The following TCEANC2 variants were observed in gnomAD, a reference collection of about 807,000 sequenced individuals.
TCEANC2 encodes transcription elongation factor A N-terminal and central domain-containing protein 2.
Under a neutral mutation model 22.8 loss-of-function variants are expected in TCEANC2, and 20 were observed. That is an observed-to-expected ratio of 0.88 (90% CI 0.62 to 1.28). The LOEUF is 1.28. Among genes scored for constraint, TCEANC2 ranks in the 50% most tolerant of loss-of-function variants. The pLI is 0.00. For synonymous variants in TCEANC2, 84 were observed against 95.5 expected (o/e 0.88, Z 0.70); for missense variants, 251 against 249.7 (o/e 1.01, Z -0.03).
In TCEANC2 at chr1:54,068,820, A is replaced by G. The variant is rs767886928; in HGVS notation, c.167A>G (p.Lys56Arg). 8.1e-6 allele frequency: 13 copies of G among 1,612,656 alleles called. No homozygotes were observed. The highest frequency in any genetic ancestry group is 1.1e-5 in the Non-Finnish European group (13 of 1,179,504). ...KTMLELPDQT[K>R]ENLVEALQEL... ...ATGCTGGAGCTTCCTGATCAAACCAAAGAGAATCTTGTTGAAGCCTTACAA... is the reference window on the plus strand; with the variant it reads ...ATGCTGGAGCTTCCTGATCAAACCAGAGAGAATCTTGTTGAAGCCTTACAA... The change falls in exon 3 of 5, where the codon AAA becomes AGA. Residue 56 changes from lysine (K) to arginine (R), a missense_variant. Coordinates refer to ENST00000234827, the MANE Select transcript of TCEANC2 (RefSeq NM_153035.3).
chr1:54,091,511 TTG>T (rs1658446435), intron 4 of TCEANC2, among the ~76,000 whole-genome samples: 1 of 152,174 alleles, frequency 6.6e-6, no homozygotes, highest in Admixed American at 6.5e-5. Flanking sequence ...CATTACATTT[TTG>T]TAGAAAAAAA....
Position 54,096,501 on chromosome 1 carries a change from G to A in TCEANC2, c.*28G>A. The A allele has an allele frequency of 6.4e-7, 1 of 1,574,102 alleles. No homozygotes were observed. The highest frequency in any genetic ancestry group is 8.7e-7 in the Non-Finnish European group (1 of 1,150,320). ...TGAGGACGGTTCCAGCCCTGGGCCA[G>A]GCAGAGAGGAAAATGGGCCTGTCTC... On this transcript the variant is annotated 3_prime_UTR_variant, in exon 5 of 5. Coordinates refer to ENST00000234827, the MANE Select transcript of TCEANC2 (RefSeq NM_153035.3). The surrounding 1 kb of genome is among the most constrained non-coding windows in gnomAD (Gnocchi z 4.9).
At chr1:54,074,193 G>A (rs1658105647) in intron 3 of TCEANC2, among the ~76,000 whole-genome samples, 1 of 152,190 alleles carries the variant, frequency 6.6e-6, no homozygotes, top group Admixed American at 6.5e-5. Flanking sequence ...GCCGGGCGCA[G>A]TGGCTCAGGC....
rs1024670826 is a variant in TCEANC2 at position 54,088,520 on chromosome 1, C to T, written c.245-77C>T. ...TGTGAATGACTTTCTCAGTGCCACA[C>T]GTCAGTCCATCTAGTCCTGCGCTTC... On this transcript the variant is annotated intron_variant, in intron 3 of 4. Transcript: ENST00000234827. The T allele has an allele frequency of 5.2e-5, 64 of 1,219,738 alleles. No individual in the cohort carries two copies. In the Admixed American group the frequency reaches 1.1e-3, roughly 20 times the overall value. The allele number at this position is 1,219,738 out of a possible 1,614,324, so 75.6% of individuals were successfully genotyped here. A position where few individuals can be genotyped will look rare whatever the true frequency, so the allele number is the denominator to read the frequency against.
In TCEANC2 at chr1:54,104,354, G is replaced by A. The variant is rs949180003; in HGVS notation, c.*7881G>A. The A allele has an allele frequency of 1.7e-5, 4 of 231,270 alleles. No homozygotes were observed. Among genetic ancestry groups the A allele is most frequent in the African/African-American group, 9.1e-5 (4 of 44,116 alleles). The allele number at this position is 231,270 out of a possible 1,614,324, so 14.3% of individuals were successfully genotyped here. A position where few individuals can be genotyped will look rare whatever the true frequency, so the allele number is the denominator to read the frequency against. ...TTACTATGAACTATTAGCTGTGACTGCACCCGGGCACTTGAGCTCCTCATA... is the reference window on the plus strand; with the variant it reads ...TTACTATGAACTATTAGCTGTGACTACACCCGGGCACTTGAGCTCCTCATA... On this transcript the variant is annotated 3_prime_UTR_variant, in exon 5 of 5. Coordinates refer to ENST00000234827, the MANE Select transcript of TCEANC2 (RefSeq NM_153035.3).
chr1:54,062,857 A>C lies in TCEANC2; in HGVS notation c.103-5899A>C, dbSNP rs1055712876. 2.0e-5 allele frequency among the ~76,000 whole-genome samples: 3 copies of C among 152,234 alleles called. No individual in the cohort carries two copies. The East Asian group carries it at 5.8e-4, about 29-fold the overall frequency. On this transcript the variant is annotated intron_variant, in intron 2 of 4. Transcript: ENST00000234827. ...GAGACTGAAAAGAATGTCAGGAGCC[A>C]AGTCATGGAAGGCCTTTTATGCCAT...
intron 2 of TCEANC2, among the ~76,000 whole-genome samples, chr1:54,066,006 GA>G (rs1249148324): frequency 6.6e-6 from 1 of 151,430 alleles, no homozygotes; most frequent in Non-Finnish European, 1.5e-5. Context: ...GGTTGGGGGA[GA>G]GGGGGGCGGA....
intron 2 of TCEANC2, among the ~76,000 whole-genome samples, chr1:54,055,884 A>G (rs1231874921): frequency 6.6e-6 from 1 of 152,182 alleles, no homozygotes; most frequent in African/African-American, 2.4e-5. Flanking sequence ...ATTGAACTAT[A>G]TCAGTGTTTC....
chr1:54,085,003 C>T (rs983364542), intron 3 of TCEANC2, among the ~76,000 whole-genome samples: 4 of 152,074 alleles, frequency 2.6e-5, no homozygotes, highest in African/African-American at 9.7e-5. Context: ...CTAGGAAGCA[C>T]CTTTAGACAT....
intron 4 of TCEANC2, 115 bp downstream of exon 4, chr1:54,088,905 G>T: frequency 3.5e-6 from 2 of 579,076 alleles, no homozygotes; most frequent in South Asian, 4.0e-5. Context: ...TTGGTTAAAC[G>T]CCTCATAATT....
In TCEANC2 at chr1:54,060,134, G is replaced by A. The variant is rs75337264; in HGVS notation, c.102+5610G>A. Among the ~76,000 whole-genome samples the A allele has an allele frequency of 0.015, 2,312 of 152,232 alleles. 136 individuals carry two copies. The East Asian group carries it at 0.21, about 14-fold the overall frequency. ...TACCAAAAAAAATTAGCAGCCAGGC[G>A]CAGTGGCTCACACCTGTAATCCCAG... is the stretch of plus-strand genomic sequence containing the variant. On this transcript the variant is annotated intron_variant, in intron 2 of 4. Transcript: ENST00000234827.
intron 4 of TCEANC2, chr1:54,089,997 T>C (rs1658412581): frequency 2.9e-6 from 2 of 681,054 alleles, no homozygotes; most frequent in Non-Finnish European, 5.5e-6. Flanking sequence ...TGGAACCACT[T>C]TCTGTATTGC....
At chr1:54,057,069 C>T (rs1336963039) in intron 2 of TCEANC2, among the ~76,000 whole-genome samples, 2 of 151,498 alleles carry the variant, frequency 1.3e-5, no homozygotes, top group Admixed American at 1.3e-4. Flanking sequence ...AAACAAAAGG[C>T]ATATTTAATA....
intron 3 of TCEANC2, among the ~76,000 whole-genome samples, chr1:54,084,606 A>G (rs1658303203): frequency 6.6e-6 from 1 of 152,074 alleles, no homozygotes. Context: ...TCACACCTGT[A>G]ATCCCAGTAC....
chr1:54,066,565 A>G (rs549015687), intron 2 of TCEANC2, among the ~76,000 whole-genome samples: 15 of 152,348 alleles, frequency 9.8e-5, no homozygotes, highest in African/African-American at 3.4e-4. Context: ...CATGTAAAAT[A>G]TGGGGAAAGA....
rs548303938 is a variant in TCEANC2 at position 54,091,229 on chromosome 1, A to T, written c.438+2439A>T. Among the ~76,000 whole-genome samples the T allele has an allele frequency of 1.3e-3, 205 of 152,320 alleles. 1 individual carries two copies. The highest frequency in any genetic ancestry group is 4.7e-3 in the African/African-American group (195 of 41,582). On this transcript the variant is annotated intron_variant, in intron 4 of 4. Coordinates refer to ENST00000234827, the MANE Select transcript of TCEANC2 (RefSeq NM_153035.3). Reference sequence around the variant, plus strand: ...GTTTATCAGTTTGTTATGTCAGAGAATATAAATACAAGCACTTTTATATAA... The same window carrying T: ...GTTTATCAGTTTGTTATGTCAGAGATTATAAATACAAGCACTTTTATATAA...
chr1:54,083,707 A>T (rs1345009890), intron 3 of TCEANC2, among the ~76,000 whole-genome samples: 1 of 152,188 alleles, frequency 6.6e-6, no homozygotes, highest in Non-Finnish European at 1.5e-5. Flanking sequence ...CCCTACTATA[A>T]CACAGCCCAG....
chr1:54,054,427 A>T lies in TCEANC2; in HGVS notation c.5A>T (p.Asp2Val), dbSNP rs1048484677. Residue 2 changes from aspartate (D) to valine (V), a missense_variant, in exon 2 of 5, where the codon GAT becomes GTT. By Grantham distance (152) the Asp-to-Val change is radical. Transcript: ENST00000234827. M[D>V]KFVIRTPRIQ... is the part of the protein sequence containing the mutation. ...GGTAGTCGGAGTCCCCTAACAATGG[A>T]TAAATTCGTCATTCGAACGCCTAGA... is the stretch of plus-strand genomic sequence containing the variant. 6.2e-7 allele frequency: 1 copy of T among 1,614,068 alleles called. No homozygotes were observed. The highest frequency in any genetic ancestry group is 8.5e-7 in the Non-Finnish European group (1 of 1,180,012).
rs201846176 is a variant in TCEANC2 at position 54,096,258 on chromosome 1, T to C, written c.439-27T>C. 1.7e-4 allele frequency: 263 copies of C among 1,578,234 alleles called. No individual in the cohort carries two copies. Among genetic ancestry groups the C allele is most frequent in the Admixed American group, 5.1e-5 (3 of 58,700 alleles). On this transcript the variant is annotated intron_variant, in intron 4 of 4. Coordinates refer to ENST00000234827, the MANE Select transcript of TCEANC2 (RefSeq NM_153035.3). This position sits in a 1 kb window ranked among gnomAD's most constrained non-coding sequence, Gnocchi z 4.9. Reference sequence around the variant, plus strand: ...TTAATCCTTACGCAATGTAAGGCTCTAATTTGATAATTTTGCTGTTTTTTA... The same window carrying C: ...TTAATCCTTACGCAATGTAAGGCTCCAATTTGATAATTTTGCTGTTTTTTA...
Sources: gnomAD v4.1 joint callset for allele counts (sites outside exome capture counted in the v4.1 genomes callset) on GRCh38, gnomAD v4.1.1 for gene constraint, Gnocchi (gnomAD v3.1) non-coding constraint, MANE v1.5 for transcripts, NCBI Gene and HGNC (gene_info 2026-07-23, HGNC 2026-07-21) for gene names.